NFX1: variants seen among roughly 807,000 people sequenced by gnomAD.
NFX1 encodes the protein nuclear transcription factor, X-box binding 1.
Under a neutral mutation model 137.2 loss-of-function variants are expected in NFX1, and 69 were observed. The observed-to-expected ratio is 0.50, with a 90% confidence interval of 0.41 to 0.61. NFX1 has a LOEUF of 0.61. Ranked by LOEUF, NFX1 falls within the 20% of genes least tolerant of loss-of-function variation. The pLI is 0.00. For missense variants in NFX1, 1,167 were observed against 1,391.0 expected, an observed-to-expected ratio of 0.84 and a Z score of 2.56; for synonymous variants, 495 against 474.1, an observed-to-expected ratio of 1.04 and a Z score of -0.57.
At chr9:33,355,424 T>C (rs1467178249) in intron 19 of NFX1, among the ~76,000 whole-genome samples, 1 of 152,224 alleles carries the variant, frequency 6.6e-6, no homozygotes, top group South Asian at 2.1e-4. Flanking sequence ...TTTTGAACTT[T>C]ATGTAAGTGA....
At chr9:33,356,664 AT>A (rs1443301853) in intron 19 of NFX1, among the ~76,000 whole-genome samples, 1 of 152,054 alleles carries the variant, frequency 6.6e-6, no homozygotes, top group African/African-American at 2.4e-5. Flanking sequence ...ACCTGTACTG[AT>A]TTTTTTGAGT....
chr9:33,305,712 A>G (rs1821728632), intron 4 of NFX1, among the ~76,000 whole-genome samples: 1 of 152,214 alleles, frequency 6.6e-6, no homozygotes, highest in Admixed American at 6.5e-5. Flanking sequence ...GAGTCACCCA[A>G]AGTTTCATGC....
At chr9:33,348,352 G>GA (rs895302832) in intron 15 of NFX1, 31 of 148,478 alleles carry the variant, frequency 2.1e-4, no homozygotes, top group East Asian at 2.0e-4. Context: ...ACTCCGTCTC[G>GA]AAAAAAAAAA....
In NFX1 at chr9:33,340,660, C is replaced by T. The variant is rs563708929; in HGVS notation, c.2115+2071C>T. Among the ~76,000 whole-genome samples, 57 of 152,336 alleles carry T rather than the reference C, an allele frequency of 3.7e-4. 1 individual carries two copies. Among genetic ancestry groups the T allele is most frequent in the Non-Finnish European group, 7.5e-4 (51 of 68,024 alleles). On this transcript the variant is annotated intron_variant, in intron 12 of 23. Transcript: ENST00000379540. Reference sequence around the variant, plus strand: ...GCTGCAAATTTTCCAAACTTTTATGCTCTGTTTCCCTTTTAAAACTGAGTG... The same window carrying T: ...GCTGCAAATTTTCCAAACTTTTATGTTCTGTTTCCCTTTTAAAACTGAGTG...
intron 21 of NFX1, chr9:33,365,074 GA>G: frequency 1.1e-6 from 1 of 874,644 alleles, no homozygotes; most frequent in South Asian, 2.9e-5. Flanking sequence ...AGGAGTTCTA[GA>G]TCAGCTTGGC....
rs941076635 is a variant in NFX1 at position 33,307,353 on chromosome 9, G to A, written c.1376+54G>A. 8 of 1,471,646 alleles carry A rather than the reference G, an allele frequency of 5.4e-6. No homozygotes were observed. The African/African-American group carries it at 9.7e-5, about 18-fold the overall frequency. 91.2% of individuals were successfully genotyped at this position (1,471,646 alleles called of 1,614,324 possible). On this transcript the variant is annotated intron_variant, in intron 5 of 23. Transcript: ENST00000379540. The stretch of plus-strand genomic sequence containing the variant: ...TTGCTGGTGGACATGCTTTGCTGGT[G>A]GCTCTAAGTAAACATACCTGGTTAG...
At chr9:33,365,677 T>G (rs996469893) in intron 21 of NFX1, 2 of 152,074 alleles carry the variant, frequency 1.3e-5, no homozygotes, top group African/African-American at 4.8e-5. Flanking sequence ...ATGAAGAAAC[T>G]CTGGGTGAGG....
At chr9:33,324,999 C>G (rs2118439335) in intron 9 of NFX1, among the ~76,000 whole-genome samples, 1 of 150,164 alleles carries the variant, frequency 6.7e-6, no homozygotes, top group East Asian at 2.0e-4. Context: ...GAGAAATGAA[C>G]AAAGCCTCAG....
In NFX1 at chr9:33,313,789, C is replaced by T; in HGVS notation, c.1584C>T (p.Asn528=). The change falls in exon 7 of 24, where the codon AAC becomes AAT. Residue 528 remains asparagine, a synonymous_variant. Coordinates refer to ENST00000379540, the MANE Select transcript of NFX1 (RefSeq NM_002504.6). ...GQCQPCQIIL[N]QVCYCGSTSR... ...GCCAGCCTTGCCAGATCATTTTGAACCAGGGTAAGTGGTGGGCACACCAGC... is the reference window on the plus strand; with the variant it reads ...GCCAGCCTTGCCAGATCATTTTGAATCAGGGTAAGTGGTGGGCACACCAGC... The T allele has an allele frequency of 6.2e-7, 1 of 1,613,574 alleles. No homozygotes were observed. The highest frequency in any genetic ancestry group is 8.5e-7 in the Non-Finnish European group (1 of 1,179,732).
At chr9:33,346,813 G>T (rs931337929) in intron 14 of NFX1, among the ~76,000 whole-genome samples, 1 of 152,150 alleles carries the variant, frequency 6.6e-6, no homozygotes, top group Non-Finnish European at 1.5e-5. Context: ...TTCTGTTTTG[G>T]CATGTCTCTT....
chr9:33,324,256 G>A (rs999417390), intron 9 of NFX1, among the ~76,000 whole-genome samples: 1 of 152,160 alleles, frequency 6.6e-6, no homozygotes, highest in African/African-American at 2.4e-5. Flanking sequence ...GCACACGCCT[G>A]TAATCCTGGC....
intron 5 of NFX1, among the ~76,000 whole-genome samples, chr9:33,308,174 G>T (rs946075833): frequency 4.6e-5 from 7 of 152,296 alleles, no homozygotes; most frequent in African/African-American, 1.4e-4. Flanking sequence ...AGACACGGTG[G>T]CTCATGCCTA....
chr9:33,325,222 G>A (rs1822537508), intron 9 of NFX1, among the ~76,000 whole-genome samples: 1 of 152,128 alleles, frequency 6.6e-6, no homozygotes, highest in Admixed American at 6.6e-5. Context: ...TAATGATAAG[G>A]AGAAAGTCTT....
chr9:33,353,539 C>G (rs899802584), intron 17 of NFX1, among the ~76,000 whole-genome samples: 1 of 152,092 alleles, frequency 6.6e-6, no homozygotes, highest in African/African-American at 2.4e-5. Flanking sequence ...AAGTGTTGCT[C>G]TAGGGGATAC....
intron 14 of NFX1, among the ~76,000 whole-genome samples, chr9:33,346,812 G>C (rs565008518): frequency 6.6e-6 from 1 of 152,260 alleles, no homozygotes; most frequent in East Asian, 1.9e-4. Flanking sequence ...CTTCTGTTTT[G>C]GCATGTCTCT....
intron 16 of NFX1, 167 bp from the exon 17 acceptor site, chr9:33,352,479 C>T: frequency 1.4e-6 from 1 of 703,404 alleles, no homozygotes; most frequent in Non-Finnish European, 2.6e-6. Context: ...AGCATGTCAA[C>T]AACTGTGTCA....
chr9:33,350,419 C>T (rs1823596108), intron 15 of NFX1, among the ~76,000 whole-genome samples: 1 of 152,042 alleles, frequency 6.6e-6, no homozygotes, highest in East Asian at 1.9e-4. Flanking sequence ...TCTATTGACT[C>T]TGCTTTAGCA....
chr9:33,339,059 A>G (rs1823120847), intron 12 of NFX1, among the ~76,000 whole-genome samples: 1 of 152,172 alleles, frequency 6.6e-6, no homozygotes, highest in Non-Finnish European at 1.5e-5. Context: ...CTTTTATGGA[A>G]CTAATTAAAT....
chr9:33,309,311 C>G (rs1276623171), intron 5 of NFX1, among the ~76,000 whole-genome samples: 1 of 151,504 alleles, frequency 6.6e-6, no homozygotes, highest in Non-Finnish European at 1.5e-5. Context: ...GAGCCGAGAT[C>G]ATGCCACTGC....
Sources: allele counts gnomAD v4.1 joint callset (sites outside exome capture counted in the v4.1 genomes callset), GRCh38; gene constraint gnomAD v4.1.1; transcripts MANE v1.5; gene names NCBI Gene and HGNC (gene_info 2026-07-23, HGNC 2026-07-21).